Variants in AGTR1 observed in about 807,000 individuals in gnomAD.
The protein encoded by AGTR1 is angiotensin II receptor type 1.
In AGTR1, 16 loss-of-function variants were observed where a neutral mutation model predicts 19.4. The observed-to-expected ratio is 0.82, with a 90% CI of 0.56 to 1.25. The LOEUF (loss-of-function observed/expected upper bound fraction) is 1.25. Ranked by LOEUF, AGTR1 falls within the 50% of genes most tolerant of loss-of-function variation. AGTR1 has a pLI of 0.00. For missense variants in AGTR1, 373 were observed against 431.9 expected, an observed-to-expected ratio of 0.86 and a Z score of 1.21; for synonymous variants, 153 against 154.9, an observed-to-expected ratio of 0.99 and a Z score of 0.09.
intron 1 of AGTR1, 24 bp from the exon 2 acceptor site, chr3:148,707,920 C>T (rs1576524592): frequency 6.6e-6 from 1 of 152,110 alleles, no homozygotes; most frequent in East Asian, 1.9e-4. Flanking sequence ...CAGTGGAATG[C>T]GTTAATCATT....
At chr3:148,699,715 A>G (rs1280155474) in intron 1 of AGTR1, among the ~76,000 whole-genome samples, 2 of 152,248 alleles carry the variant, frequency 1.3e-5, no homozygotes, top group East Asian at 1.9e-4. Context: ...GCTAGGTTAT[A>G]GAAACTGCCC....
At position 148,740,903 on chromosome 3, in the gene AGTR1, G is replaced by A. The variant is rs531885430; in HGVS notation, c.-47-86G>A. 32 of 1,264,996 alleles carry A rather than the reference G, an allele frequency of 2.5e-5. No individual in the cohort carries two copies. The African/African-American group carries it at 3.1e-4, about 12-fold the overall frequency. 78.4% of individuals were successfully genotyped at this position (1,264,996 alleles called of 1,614,324 possible). A position where few individuals can be genotyped will look rare whatever the true frequency, so the allele number is the denominator to read the frequency against. On this transcript the variant is annotated intron_variant, in intron 2 of 2. Coordinates refer to ENST00000349243, the MANE Select transcript of AGTR1 (RefSeq NM_000685.5). The stretch of plus-strand genomic sequence containing the variant: ...CCTAAGACTAAAGTTGAGTTACTAC[G>A]TTTATGACTGAGAAATGAATGTTTG...
intron 2 of AGTR1, among the ~76,000 whole-genome samples, chr3:148,732,889 C>T (rs1027841578): frequency 4.0e-5 from 6 of 150,370 alleles, no homozygotes; most frequent in South Asian, 2.1e-4. Flanking sequence ...TACAGGCGCC[C>T]GCCACTACGC....
rs1330784410 is a variant in AGTR1, at chr3:148,741,086, T to G, written c.51T>G (p.Asp17Glu). The change falls in exon 3 of 3, where the codon GAT (aspartate) becomes GAG (glutamate). Residue 17 changes from aspartate to glutamate, a missense_variant. By Grantham distance (45) the Asp-to-Glu change is conservative. Transcript: ENST00000349243. The part of the protein sequence containing the change: ...TEDGIKRIQD[D>E]CPKAGRHNYI... Reference sequence around the variant, plus strand: ...ATGGTATTAAAAGAATCCAAGATGATTGTCCCAAAGCTGGAAGGCATAATT... The same window carrying G: ...ATGGTATTAAAAGAATCCAAGATGAGTGTCCCAAAGCTGGAAGGCATAATT... The G allele has an allele frequency of 1.2e-6, 2 of 1,614,016 alleles. No homozygotes were observed. The highest frequency in any genetic ancestry group is 1.7e-6 in the Non-Finnish European group (2 of 1,179,886).
chr3:148,702,003 A>T (rs1434484518), intron 1 of AGTR1, among the ~76,000 whole-genome samples: 2 of 143,440 alleles, frequency 1.4e-5, no homozygotes, highest in African/African-American at 5.3e-5. Flanking sequence ...TTTGAGACAG[A>T]GTCTTGCTCT....
chr3:148,724,257 A>C (rs1055473352), intron 2 of AGTR1, among the ~76,000 whole-genome samples: 1 of 152,100 alleles, frequency 6.6e-6, no homozygotes, highest in Non-Finnish European at 1.5e-5. Context: ...CACTTCACCT[A>C]TTTCTCCCAG....
rs773436496 is a variant in AGTR1 at position 148,742,251 on chromosome 3, C to T, written c.*136C>T. On this transcript the variant is annotated 3_prime_UTR_variant, in exon 3 of 3. Coordinates refer to ENST00000349243, the MANE Select transcript of AGTR1 (RefSeq NM_000685.5). ...AGAAAATGCATTATGTGGACTGAAC[C>T]GACTTTTCTAAAGCTCTGAACAAAA... is the stretch of plus-strand genomic sequence containing the variant. 19 of 1,249,714 alleles carry T rather than the reference C, an allele frequency of 1.5e-5. No homozygotes were observed. The highest frequency in any genetic ancestry group is 4.8e-5 in the South Asian group (4 of 83,036). 77.4% of individuals were successfully genotyped at this position (1,249,714 alleles called of 1,614,324 possible).
intron 1 of AGTR1, among the ~76,000 whole-genome samples, chr3:148,705,960 G>A (rs1434569884): frequency 6.6e-6 from 1 of 151,760 alleles, no homozygotes; most frequent in Non-Finnish European, 1.5e-5. Flanking sequence ...GCATATCTGT[G>A]GAGCCAATAA....
chr3:148,731,538 C>T (rs1226972079), intron 2 of AGTR1: 3 of 152,034 alleles, frequency 2.0e-5, no homozygotes, highest in Non-Finnish European at 4.4e-5. Flanking sequence ...TTTTACTTAC[C>T]CTTGTATTAT....
chr3:148,722,530 T>G (rs1713702036), intron 2 of AGTR1, among the ~76,000 whole-genome samples: 1 of 152,150 alleles, frequency 6.6e-6, no homozygotes, highest in Non-Finnish European at 1.5e-5. Flanking sequence ...TCAGAAAAAG[T>G]CCTTCATTCT....
rs753570924 is a variant in AGTR1, at chr3:148,741,360, A to C, written c.325A>C (p.Ser109Arg). The change falls in exon 3 of 3, where the codon AGT becomes CGT. Residue 109 changes from serine (S) to arginine (R), a missense_variant. Transcript: ENST00000349243. Reference sequence around the variant, plus strand: ...ATGTAAGATTGCTTCAGCCAGCGTCAGTTTCAACCTGTACGCTAGTGTGTT... The same window carrying C: ...ATGTAAGATTGCTTCAGCCAGCGTCCGTTTCAACCTGTACGCTAGTGTGTT... Reference protein sequence around the residue: ...YLCKIASASVSFNLYASVFLL... With the variant: ...YLCKIASASVRFNLYASVFLL... 6.2e-7 allele frequency: 1 copy of C among 1,605,600 alleles called. No homozygotes were observed. The highest frequency in any genetic ancestry group is 1.1e-5 in the South Asian group (1 of 91,086).
At chr3:148,739,654 C>T (rs998201524) in intron 2 of AGTR1, 1 of 673,804 alleles carries the variant, frequency 1.5e-6, no homozygotes, top group South Asian at 8.0e-5. Flanking sequence ...TAAAAGCTGA[C>T]TACTGGAGTT....
At chr3:148,714,445 A>G (rs753308279) in intron 2 of AGTR1, among the ~76,000 whole-genome samples, 4 of 152,104 alleles carry the variant, frequency 2.6e-5, no homozygotes, top group Non-Finnish European at 5.9e-5. Flanking sequence ...TGAGGCAGCA[A>G]TGTGCTGGCA....
intron 1 of AGTR1, among the ~76,000 whole-genome samples, chr3:148,701,557 A>G (rs1360490864): frequency 1.3e-5 from 2 of 152,224 alleles, no homozygotes; most frequent in African/African-American, 2.4e-5. Flanking sequence ...TGTTTCTTCG[A>G]TAGGTGCATT....
At chr3:148,723,244 A>G (rs1713747909) in intron 2 of AGTR1, among the ~76,000 whole-genome samples, 2 of 152,244 alleles carry the variant, frequency 1.3e-5, no homozygotes, top group Admixed American at 6.5e-5. Flanking sequence ...GGACAAATGT[A>G]GCCTTAAAAC....
rs201679305 is a variant in AGTR1, at chr3:148,723,679, C to T, written c.-48+15652C>T. Among the ~76,000 whole-genome samples, 10 of 152,312 alleles carry T rather than the reference C, an allele frequency of 6.6e-5. No individual in the cohort carries two copies. In the East Asian group the frequency reaches 1.7e-3, roughly 26 times the overall value. On this transcript the variant is annotated intron_variant, in intron 2 of 2. Coordinates refer to ENST00000349243, the MANE Select transcript of AGTR1 (RefSeq NM_000685.5). ...TAGGGGTGAAGTTCAGGCTGCCATT[C>T]TGAAAGCTTCCTCAGACTGAGTCAG...
At chr3:148,714,746 C>G (rs571941519) in intron 2 of AGTR1, among the ~76,000 whole-genome samples, 1 of 152,212 alleles carries the variant, frequency 6.6e-6, no homozygotes, top group South Asian at 2.1e-4. Flanking sequence ...AGTAATTAGA[C>G]CCCTGCATTT....
intron 2 of AGTR1, among the ~76,000 whole-genome samples, chr3:148,723,089 C>G (rs549544187): frequency 6.6e-5 from 10 of 152,194 alleles, no homozygotes; most frequent in Non-Finnish European, 1.5e-4. Context: ...TACTATTAAT[C>G]AGAAATACTC....
intron 2 of AGTR1, among the ~76,000 whole-genome samples, chr3:148,740,692 AC>A: frequency 6.6e-6 from 1 of 152,312 alleles, no homozygotes; most frequent in South Asian, 2.1e-4. Context: ...CAATTTGGAA[AC>A]CAAGATTTAC....
Sources: gnomAD v4.1 joint callset for allele counts (sites outside exome capture counted in the v4.1 genomes callset) on GRCh38, gnomAD v4.1.1 for gene constraint, MANE v1.5 for transcripts, NCBI Gene and HGNC (gene_info 2026-07-23, HGNC 2026-07-21) for gene names.